Variants in PTK2 observed in about 807,000 individuals in gnomAD.
PTK2 encodes the protein protein tyrosine kinase 2.
In PTK2, 45 loss-of-function variants were observed where a neutral mutation model predicts 150.1. That is an observed-to-expected ratio of 0.30 (90% CI 0.24 to 0.38). The LOEUF (loss-of-function observed/expected upper bound fraction) is 0.38, where lower values mean the gene tolerates loss of function less well. Ranked by LOEUF, PTK2 falls within the 10% of genes least tolerant of loss-of-function variation. The pLI is 1.00. For synonymous variants in PTK2, 432 were observed against 449.2 expected (o/e 0.96, Z 0.48); for missense variants, 919 against 1,307.3 (o/e 0.70, Z 4.58).
chr8:140,985,984 T>C (rs1306662393), intron 1 of PTK2, among the ~76,000 whole-genome samples: 1 of 152,180 alleles, frequency 6.6e-6, no homozygotes, highest in African/African-American at 2.4e-5. Context: ...TTCCAAAAAA[T>C]TCAAACTTTA....
intron 22 of PTK2, 58 bp downstream of exon 25, chr8:140,735,193 G>A (rs1355860026): frequency 4.7e-6 from 7 of 1,493,620 alleles, no homozygotes; most frequent in Non-Finnish European, 2.8e-6. Context: ...TTACTGCAAG[G>A]AGGAGAAGCA....
At chr8:140,949,044 T>G (rs2100178625) in intron 1 of PTK2, among the ~76,000 whole-genome samples, 1 of 151,842 alleles carries the variant, frequency 6.6e-6, no homozygotes, top group African/African-American at 2.4e-5. Context: ...CTCCTCCTCC[T>G]CCTCAGCCTA....
At chr8:140,728,242 C>G in intron 22 of PTK2, among the ~76,000 whole-genome samples, 1 of 151,824 alleles carries the variant, frequency 6.6e-6, no homozygotes. Flanking sequence ...TAAAGATGTT[C>G]CCCAAGGATA....
At chr8:140,785,917 G>A (rs1224904804) in intron 14 of PTK2, among the ~76,000 whole-genome samples, 1 of 152,132 alleles carries the variant, frequency 6.6e-6, no homozygotes, top group Non-Finnish European at 1.5e-5. Context: ...ACATGTGCAG[G>A]TTTACTGTCA....
At chr8:140,806,504 T>C (rs553655119) in intron 10 of PTK2, among the ~76,000 whole-genome samples, 4 of 152,284 alleles carry the variant, frequency 2.6e-5, no homozygotes, top group African/African-American at 9.6e-5. Flanking sequence ...GTCCTTGTTA[T>C]TGCTATCTCA....
At chr8:140,982,328 G>C (rs977928854) in intron 1 of PTK2, among the ~76,000 whole-genome samples, 8 of 152,252 alleles carry the variant, frequency 5.3e-5, no homozygotes, top group Non-Finnish European at 1.2e-4. Flanking sequence ...GCTGGGTGCG[G>C]AGGCTCCCGC....
At chr8:140,846,709 T>A (rs752023035) in intron 5 of PTK2, 31 bp from the exon 6 acceptor site, 4 of 1,519,512 alleles carry the variant, frequency 2.6e-6, no homozygotes, top group Non-Finnish European at 3.6e-6. Context: ...AAAACAACAC[T>A]GTTTTAAAAG....
chr8:140,784,700 A>G (rs1030641532), intron 14 of PTK2, among the ~76,000 whole-genome samples: 5 of 152,162 alleles, frequency 3.3e-5, no homozygotes, highest in African/African-American at 1.2e-4. Flanking sequence ...AACAAGCACA[A>G]GTTTCCTTAT....
intron 2 of PTK2, among the ~76,000 whole-genome samples, chr8:140,897,319 T>G (rs904254453): frequency 1.3e-5 from 2 of 152,182 alleles, no homozygotes; most frequent in African/African-American, 4.8e-5. Context: ...ATGAAGCAGT[T>G]TTCCATTATA....
At chr8:140,901,667 A>T (rs1330441342) in intron 2 of PTK2, among the ~76,000 whole-genome samples, 419 of 133,398 alleles carry the variant, frequency 3.1e-3, no homozygotes, top group Middle Eastern at 7.2e-3. Flanking sequence ...TTTTTTTTTT[A>T]AATACTTTTA....
intron 1 of PTK2, among the ~76,000 whole-genome samples, chr8:140,956,958 G>A (rs2100181417): frequency 6.6e-6 from 1 of 152,056 alleles, no homozygotes; most frequent in African/African-American, 2.4e-5. Flanking sequence ...CTACTTGAGA[G>A]GCTGAGGCAG....
At chr8:140,948,937 A>AT (rs1294859144) in intron 1 of PTK2, among the ~76,000 whole-genome samples, 1 of 151,258 alleles carries the variant, frequency 6.6e-6, no homozygotes, top group Non-Finnish European at 1.5e-5. Flanking sequence ...GTATAGGGGG[A>AT]TTTTTTTTCA....
chr8:140,994,142 A>T (rs1404773423), intron 1 of PTK2, among the ~76,000 whole-genome samples: 1 of 152,252 alleles, frequency 6.6e-6, no homozygotes, highest in Admixed American at 6.5e-5. Flanking sequence ...ATTTAATTAA[A>T]CATTGTAAGG....
intron 18 of PTK2, among the ~76,000 whole-genome samples, chr8:140,746,040 T>TA (rs1192660085): frequency 6.6e-6 from 1 of 151,464 alleles, no homozygotes. Context: ...AACTGTGATT[T>TA]AAATAAGTTG....
chr8:140,962,278 A>C (rs1187486807), intron 1 of PTK2, among the ~76,000 whole-genome samples: 7 of 107,092 alleles, frequency 6.5e-5, no homozygotes, highest in Admixed American at 2.2e-4. Context: ...GGAGGGAGGA[A>C]GGGAGGGAGG....
At chr8:140,825,178 CTCT>C (rs2100111099) in intron 8 of PTK2, among the ~76,000 whole-genome samples, 1 of 152,146 alleles carries the variant, frequency 6.6e-6, no homozygotes, top group African/African-American at 2.4e-5. Flanking sequence ...TGAAGAGAGC[CTCT>C]TCTTACTCCT....
intron 1 of PTK2, among the ~76,000 whole-genome samples, chr8:140,959,538 C>T (rs1274734542): frequency 9.4e-5 from 8 of 85,060 alleles, no homozygotes; most frequent in African/African-American, 3.7e-4. Context: ...GACTCTGTCT[C>T]AAAAAAAAAA....
At chr8:140,836,700 GAA>G (rs2100118855) in intron 7 of PTK2, among the ~76,000 whole-genome samples, 1 of 152,104 alleles carries the variant, frequency 6.6e-6, no homozygotes, top group Non-Finnish European at 1.5e-5. Flanking sequence ...ATCCATTCTA[GAA>G]ATACCTATGG....
At chr8:140,715,651 T>A (rs1268219157) in intron 23 of PTK2, among the ~76,000 whole-genome samples, 1 of 152,160 alleles carries the variant, frequency 6.6e-6, no homozygotes, top group Non-Finnish European at 1.5e-5. Flanking sequence ...AAACTGTGTT[T>A]CAATAAAACT....
Sources: allele counts gnomAD v4.1 joint callset (sites outside exome capture counted in the v4.1 genomes callset), GRCh38; gene constraint gnomAD v4.1.1; transcripts MANE v1.5; gene names NCBI Gene and HGNC (gene_info 2026-07-23, HGNC 2026-07-21).